RNASEH1: variants seen among roughly 807,000 people sequenced by gnomAD.
The protein encoded by RNASEH1 is ribonuclease H type II.
A neutral mutation model predicts 34.6 loss-of-function variants in RNASEH1; 27 were observed. The ratio of observed to expected loss-of-function variants is 0.78; its 90% CI spans 0.58 to 1.08. The LOEUF (loss-of-function observed/expected upper bound fraction) is 1.08, where lower values mean the gene tolerates loss of function less well. Ranked by LOEUF, RNASEH1 falls within the 50% of genes least tolerant of loss-of-function variation. The pLI, the probability that RNASEH1 is intolerant of heterozygous loss-of-function variation, is 0.00. For missense variants in RNASEH1, 349 were observed against 373.6 expected, an observed-to-expected ratio of 0.93 and a Z score of 0.54; for synonymous variants, 162 against 138.4, an observed-to-expected ratio of 1.17 and a Z score of -1.20.
At chr2:3,532,422 C>T in the RNASEH1 span, 6 of 696,130 alleles carry the variant, frequency 8.6e-6, no homozygotes, top group Non-Finnish European at 1.3e-5. Context: ...ATGCTGAGTG[C>T]TGAACTCCCA....
At chr2:3,551,151 TG>T (rs1158434764) in intron 3 of RNASEH1, among the ~76,000 whole-genome samples, 1 of 152,148 alleles carries the variant, frequency 6.6e-6, no homozygotes, top group Non-Finnish European at 1.5e-5. Context: ...GCGCAGGAAG[TG>T]GAAGTACTTG....
the RNASEH1 span, chr2:3,533,974 C>CT: frequency 6.6e-6 from 1 of 152,226 alleles, no homozygotes; most frequent in African/African-American, 2.4e-5. Context: ...AGTCCACGAC[C>CT]TTTTAGCCAA....
At position 3,548,956 on chromosome 2, in the gene RNASEH1, A is replaced by G. The variant is rs1424320120; in HGVS notation, c.564+102T>C. 10 of 1,018,128 alleles carry G rather than the reference A, an allele frequency of 9.8e-6. 1 individual carries two copies. The highest frequency in any genetic ancestry group is 2.9e-4 in the Middle Eastern group (1 of 3,492). 63.1% of individuals were successfully genotyped at this position (1,018,128 alleles called of 1,614,324 possible). A position where few individuals can be genotyped will look rare whatever the true frequency, so the allele number is the denominator to read the frequency against. The stretch of plus-strand genomic sequence containing the variant: ...TTGTTATTAAACCCGTCTCTCTTCA[A>G]ATATCTTATATGTATAGGTAGAAAA... On this transcript the variant is annotated intron_variant, in intron 5 of 7. Coordinates refer to ENST00000315212, the MANE Select transcript of RNASEH1 (RefSeq NM_002936.6).
intron 2 of RNASEH1, among the ~76,000 whole-genome samples, chr2:3,555,975 AGCCTG>A (rs966895065): frequency 2.5e-4 from 38 of 152,274 alleles, no homozygotes; most frequent in African/African-American, 8.9e-4. Flanking sequence ...GTTTAAGACC[AGCCTG>A]GCCAATATGG....
At chr2:3,554,830 CA>C (rs1266901604) in intron 2 of RNASEH1, among the ~76,000 whole-genome samples, 1 of 152,000 alleles carries the variant, frequency 6.6e-6, no homozygotes, top group Non-Finnish European at 1.5e-5. Flanking sequence ...GCCATATTTT[CA>C]AACCTGCTTT....
downstream of RNASEH1, among the ~76,000 whole-genome samples, chr2:3,538,282 G>A (rs1225586184): frequency 6.6e-6 from 1 of 151,804 alleles, no homozygotes; most frequent in Non-Finnish European, 1.5e-5. Context: ...AACCCAGGAC[G>A]CAGAGGTTGC....
At chr2:3,533,614 C>T in the RNASEH1 span, 1 of 152,240 alleles carries the variant, frequency 6.6e-6, no homozygotes, top group Non-Finnish European at 1.5e-5. Context: ...TAAGAAAGTG[C>T]CATTTGATGG....
downstream of RNASEH1, among the ~76,000 whole-genome samples, chr2:3,540,309 T>TA (rs68015902): frequency 1.9e-4 from 28 of 150,968 alleles, no homozygotes; most frequent in Admixed American, 2.6e-4. Context: ...TTTCTTTTAA[T>TA]AAAAAAAAAA....
At chr2:3,550,784 C>T (rs538694645) in intron 3 of RNASEH1, among the ~76,000 whole-genome samples, 3 of 152,308 alleles carry the variant, frequency 2.0e-5, no homozygotes, top group Non-Finnish European at 2.9e-5. Flanking sequence ...AGGACAATGG[C>T]GCTGTCTCCA....
rs1668602506 is a variant in RNASEH1 at position 3,544,921 on chromosome 2, C to CGT, written c.*862_*863dup. On this transcript the variant is annotated 3_prime_UTR_variant, in exon 8 of 8. Transcript: ENST00000315212. ...TCCCAAGTAGCTGGGACTACAAGCC[C>CGT]GTGCCACCACACCTGGATAATTTTT... 8 of 151,716 alleles carry CGT rather than the reference C, an allele frequency of 5.3e-5. No individual in the cohort carries two copies. In the South Asian group the frequency reaches 1.5e-3, roughly 28 times the overall value. 9.4% of individuals were successfully genotyped at this position (151,716 alleles called of 1,614,324 possible).
At chr2:3,536,980 G>A (rs1268418688), downstream of RNASEH1, 2 of 152,226 alleles carry the variant, frequency 1.3e-5, no homozygotes, top group Non-Finnish European at 2.9e-5. Context: ...CATCGGGTCA[G>A]GGCCTCCCCA....
At chr2:3,536,341 C>T in the RNASEH1 span, among the ~76,000 whole-genome samples, 13 of 152,308 alleles carry the variant, frequency 8.5e-5, no homozygotes, top group East Asian at 2.3e-3. Flanking sequence ...TGGGCCTTGA[C>T]AAAGACCTTC....
At chr2:3,546,870 C>G (rs1195583149) in intron 7 of RNASEH1, among the ~76,000 whole-genome samples, 1 of 152,168 alleles carries the variant, frequency 6.6e-6, no homozygotes, top group Non-Finnish European at 1.5e-5. Flanking sequence ...CAAATGTAAT[C>G]CCAGCACTTT....
At chr2:3,538,697 GTCA>G (rs1326721238), downstream of RNASEH1, among the ~76,000 whole-genome samples, 1 of 152,186 alleles carries the variant, frequency 6.6e-6, no homozygotes, top group Admixed American at 6.5e-5. Context: ...TAAAAACCTG[GTCA>G]TCTTTTATTT....
At position 3,545,444 on chromosome 2, in the gene RNASEH1, A is replaced by G. The variant is rs1373348285; in HGVS notation, c.*341T>C. 3.9e-6 allele frequency: 1 copy of G among 255,710 alleles called. No homozygotes were observed. The allele number at this position is 255,710 out of a possible 1,614,324, so 15.8% of individuals were successfully genotyped here. A position where few individuals can be genotyped will look rare whatever the true frequency, so the allele number is the denominator to read the frequency against. On this transcript the variant is annotated 3_prime_UTR_variant, in exon 8 of 8. Transcript: ENST00000315212. The stretch of plus-strand genomic sequence containing the variant: ...CCAGACTTCTGAGTTGCATCTTTTA[A>G]CCAATGGTTTTTTGATTTCTTATCA...
downstream of RNASEH1, among the ~76,000 whole-genome samples, chr2:3,539,642 G>A (rs565797039): frequency 1.1e-4 from 17 of 152,266 alleles, no homozygotes; most frequent in East Asian, 2.7e-3. Context: ...CGACCACCAC[G>A]ATCATTGCTA....
chr2:3,554,468 G>A (rs1373916355), intron 2 of RNASEH1, among the ~76,000 whole-genome samples: 1 of 152,154 alleles, frequency 6.6e-6, no homozygotes, highest in African/African-American at 2.4e-5. Context: ...ATAAGAACCA[G>A]TAAATAGCTC....
At position 3,556,902 on chromosome 2, in the gene RNASEH1, T is replaced by A. The variant is rs763973713; in HGVS notation, c.131A>T (p.Asn44Ile). Residue 44 changes from asparagine to isoleucine, a missense_variant and splice_region_variant, in exon 2 of 8, where the codon AAT becomes ATT. This residue lies in a region of RNASEH1 where 256 missense variants were observed against 240.7 expected (regional missense o/e 1.06). Coordinates refer to ENST00000315212, the MANE Select transcript of RNASEH1 (RefSeq NM_002936.6). Reference sequence around the variant, plus strand: ...CCGGTCCACCTGTGCTCTGCACTCATTCCTGGAAAAGATGTGCAATGTTAT... The same window carrying A: ...CCGGTCCACCTGTGCTCTGCACTCAATCCTGGAAAAGATGTGCAATGTTAT... Reference protein sequence around the residue: ...GRKTGVFLTWNECRAQVDRFP... With the variant: ...GRKTGVFLTWIECRAQVDRFP... 6.2e-7 allele frequency: 1 copy of A among 1,608,770 alleles called. No individual in the cohort carries two copies. The highest frequency in any genetic ancestry group is 1.1e-5 in the South Asian group (1 of 90,966).
chr2:3,547,948 C>G lies in RNASEH1; in HGVS notation c.757G>C (p.Gly253Arg). ...ATACTCACCCACTGAATGTCCATCC[C>G]CTGGGTAAGCCTCTCCAGTGCCACA... ...DFVALERLTQ[G>R]MDIQWMHVPG... Residue 253 changes from glycine to arginine, a missense_variant, in exon 7 of 8, where the codon GGG becomes CGG. Gly to Arg is a moderately radical substitution (Grantham distance 125). Transcript: ENST00000315212. The G allele has an allele frequency of 6.2e-7, 1 of 1,613,766 alleles. No individual in the cohort carries two copies. Among genetic ancestry groups the G allele is most frequent in the Non-Finnish European group, 8.5e-7 (1 of 1,179,740 alleles).
Sources: allele counts gnomAD v4.1 joint callset (sites outside exome capture counted in the v4.1 genomes callset), GRCh38; gene constraint gnomAD v4.1.1; regional missense constraint gnomAD v4.1.1; transcripts MANE v1.5; gene names NCBI Gene and HGNC (gene_info 2026-07-23, HGNC 2026-07-21).